Variants in ABHD16A observed in about 807,000 individuals in gnomAD.
The protein encoded by ABHD16A is phosphatidylserine lipase ABHD16A.
Under a neutral mutation model 89.8 loss-of-function variants are expected in ABHD16A, and 47 were observed. The observed-to-expected ratio is 0.52, with a 90% CI of 0.41 to 0.67. ABHD16A has a LOEUF of 0.67. ABHD16A is among the 30% of genes least tolerant of loss of function. The pLI is 0.00. For synonymous variants in ABHD16A, 251 were observed against 280.4 expected, an observed-to-expected ratio of 0.90 and a Z score of 1.05; for missense variants, 580 against 734.6, an observed-to-expected ratio of 0.79 and a Z score of 2.43.
At chr6:31,703,084 G>A in intron 1 of ABHD16A, 66 bp downstream of exon 1, 2 of 1,373,018 alleles carry the variant, frequency 1.5e-6, no homozygotes, top group African/African-American at 1.5e-5. Context: ...GGCACTTCTG[G>A]GGAGCAAAAG....
chr6:31,692,459 T>C (rs991843635), intron 7 of ABHD16A, among the ~76,000 whole-genome samples: 1 of 152,180 alleles, frequency 6.6e-6, no homozygotes, highest in African/African-American at 2.4e-5. Context: ...CACTATAAGA[T>C]ATAGGTGGTT....
At position 31,687,263 on chromosome 6, in the gene ABHD16A, A is replaced by G; in HGVS notation, c.1626T>C (p.Thr542=). ...TCTGGGCTGGGAGTGGGGTGCAGTG[A>G]GTGGCCTCAAAGTTGTGCAGATGCT... ...ARKHLHNFEA[T]HCTPLPAQNF... is the part of the protein sequence containing the mutation. Residue 542 remains threonine, a synonymous_variant, in exon 20 of 20, where the codon ACT becomes ACC. Coordinates refer to ENST00000395952, the MANE Select transcript of ABHD16A (RefSeq NM_021160.3). The surrounding 1 kb of genome is among the most constrained non-coding windows in gnomAD (Gnocchi z 6.3). The G allele has an allele frequency of 6.2e-7, 1 of 1,612,924 alleles. No individual in the cohort carries two copies.
Position 31,693,476 on chromosome 6 carries a change from G to A in ABHD16A, c.430-44C>T, listed in dbSNP as rs372793762. On this transcript the variant is annotated intron_variant, in intron 5 of 19. Transcript: ENST00000395952. The surrounding 1 kb of genome is among the most constrained non-coding windows in gnomAD (Gnocchi z 5.0). ...GCAAAGGGGTACTGAGAACTCAGGG[G>A]AGGCTCTCCTACCCACCCTCAACAA... The A allele has an allele frequency of 3.5e-5, 55 of 1,592,574 alleles. No individual in the cohort carries two copies. The highest frequency in any genetic ancestry group is 1.7e-4 in the Middle Eastern group (1 of 6,016).
rs1453211420 is a variant in ABHD16A, at chr6:31,688,653, C to G, written c.1250+70G>C. On this transcript the variant is annotated intron_variant, in intron 14 of 19. Transcript: ENST00000395952. This position sits in a 1 kb window ranked among gnomAD's most constrained non-coding sequence, Gnocchi z 4.9. ...CCAACTTGCACTTTAGTACTAGTTTCAGGGTTTGAGCGCCCAGCAGAGCTG... is the reference window on the plus strand; with the variant it reads ...CCAACTTGCACTTTAGTACTAGTTTGAGGGTTTGAGCGCCCAGCAGAGCTG... The G allele has an allele frequency of 7.0e-6, 11 of 1,562,924 alleles. No homozygotes were observed. The East Asian group carries it at 2.5e-4, about 35-fold the overall frequency.
chr6:31,688,257 G>A lies in ABHD16A; in HGVS notation c.1299C>T (p.Ile433=), dbSNP rs1374154497. Residue 433 remains isoleucine (I), a synonymous_variant, in exon 15 of 20, where the codon ATC becomes ATT. Transcript: ENST00000395952. The surrounding 1 kb of genome is among the most constrained non-coding windows in gnomAD (Gnocchi z 4.9). ...GATTCCCACGCACTCACGTGGTGGT[G>A]ATGATCTCATCCTTGGTTCTCCGGA... ...LLIRRTKDEI[I]TTTVPEDIMS... 2.5e-6 allele frequency: 4 copies of A among 1,614,100 alleles called. No homozygotes were observed. The highest frequency in any genetic ancestry group is 3.4e-6 in the Non-Finnish European group (4 of 1,179,942).
intron 8 of ABHD16A, 34 bp from the exon 9 acceptor site, chr6:31,691,714 G>A (rs1030617627): frequency 2.5e-6 from 4 of 1,594,578 alleles, no homozygotes; most frequent in Non-Finnish European, 3.4e-6. Flanking sequence ...CAAGATGCAA[G>A]GGTCAGGAGG....
At position 31,687,281 on chromosome 6, in the gene ABHD16A, C is replaced by T. The variant is rs1415849779; in HGVS notation, c.1608G>A (p.Leu536=). Residue 536 remains leucine (L), a synonymous_variant, in exon 20 of 20, where the codon CTG becomes CTA. Transcript: ENST00000395952. The surrounding 1 kb of genome is among the most constrained non-coding windows in gnomAD (Gnocchi z 6.3). ...TGCAGTGAGTGGCCTCAAAGTTGTGCAGATGCTTCCGAGCCTGAGGAAAGG... is the reference window on the plus strand; with the variant it reads ...TGCAGTGAGTGGCCTCAAAGTTGTGTAGATGCTTCCGAGCCTGAGGAAAGG... ...QLALFLARKH[L]HNFEATHCTP... The T allele has an allele frequency of 6.2e-7, 1 of 1,612,782 alleles. No individual in the cohort carries two copies. Among genetic ancestry groups the T allele is most frequent in the Admixed American group, 1.7e-5 (1 of 59,966 alleles).
At chr6:31,695,089 T>G (rs1172426160) in intron 5 of ABHD16A, among the ~76,000 whole-genome samples, 5 of 152,162 alleles carry the variant, frequency 3.3e-5, no homozygotes, top group African/African-American at 4.8e-5. Flanking sequence ...AGGGCATCAT[T>G]ACGCAGCTCC....
chr6:31,688,860 G>A lies in ABHD16A; in HGVS notation c.1187-74C>T. The A allele has an allele frequency of 6.6e-7, 1 of 1,526,534 alleles. No individual in the cohort carries two copies. Among genetic ancestry groups the A allele is most frequent in the Non-Finnish European group, 9.0e-7 (1 of 1,115,510 alleles). The allele number at this position is 1,526,534 out of a possible 1,614,324, so 94.6% of individuals were successfully genotyped here. On this transcript the variant is annotated intron_variant, in intron 13 of 19. Coordinates refer to ENST00000395952, the MANE Select transcript of ABHD16A (RefSeq NM_021160.3). This position sits in a 1 kb window ranked among gnomAD's most constrained non-coding sequence, Gnocchi z 4.9. Reference sequence around the variant, plus strand: ...AACATAAAGGTCCTCACTATTCACGGAGAAAGAAAACTGAGGCCCCCAGAC... The same window carrying A: ...AACATAAAGGTCCTCACTATTCACGAAGAAAGAAAACTGAGGCCCCCAGAC...
intron 5 of ABHD16A, among the ~76,000 whole-genome samples, chr6:31,694,472 G>A (rs1419796968): frequency 1.4e-5 from 2 of 138,658 alleles, no homozygotes; most frequent in African/African-American, 5.5e-5. Context: ...ATCACTGCAA[G>A]CTCTGCCTCC....
intron 2 of ABHD16A, among the ~76,000 whole-genome samples, chr6:31,701,651 C>G (rs1805016583): frequency 6.6e-6 from 1 of 152,142 alleles, no homozygotes; most frequent in African/African-American, 2.4e-5. Flanking sequence ...TCAAGTTAAT[C>G]AAGCCTTTTC....
At position 31,687,535 on chromosome 6, in the gene ABHD16A, A is replaced by G. The variant is rs771400526; in HGVS notation, c.1556T>C (p.Met519Thr). 1.9e-5 allele frequency: 30 copies of G among 1,612,910 alleles called. No homozygotes were observed. The highest frequency in any genetic ancestry group is 2.5e-5 in the Non-Finnish European group (30 of 1,179,948). The change falls in exon 19 of 20, where the codon ATG (methionine) becomes ACG (threonine). Residue 519 changes from methionine to threonine, a missense_variant. Physicochemically the swap from Met to Thr is moderately conservative, Grantham distance 81. Transcript: ENST00000395952. This position sits in a 1 kb window ranked among gnomAD's most constrained non-coding sequence, Gnocchi z 6.3. ...CAGCTGCCGCCGTCCATCTGCACTC[A>G]TGTCCTCCCCTGCAGAGAGGAGGCG... ...PDFPWSVGED[M>T]SADGRRQLAL...
intron 3 of ABHD16A, 87 bp from the exon 4 acceptor site, chr6:31,701,115 C>A: frequency 7.3e-7 from 1 of 1,376,046 alleles, no homozygotes; most frequent in Non-Finnish European, 1.0e-6. Context: ...CCACCCCACA[C>A]TCCCTGTTTG....
At position 31,688,444 on chromosome 6, in the gene ABHD16A, G is replaced by T; in HGVS notation, c.1251-139C>A. On this transcript the variant is annotated intron_variant, in intron 14 of 19. Coordinates refer to ENST00000395952, the MANE Select transcript of ABHD16A (RefSeq NM_021160.3). The surrounding 1 kb of genome is among the most constrained non-coding windows in gnomAD (Gnocchi z 4.9). ...CCTTGACCTAGCCCTTCACTCAGGG[G>T]TGAGAGGGGATTATTTAAGGGGCAT... The T allele has an allele frequency of 1.1e-6, 1 of 922,030 alleles. No individual in the cohort carries two copies. Among genetic ancestry groups the T allele is most frequent in the Non-Finnish European group, 1.7e-6 (1 of 590,432 alleles). 57.1% of individuals were successfully genotyped at this position (922,030 alleles called of 1,614,324 possible).
rs780888185 is a variant in ABHD16A at position 31,687,824 on chromosome 6, C to T, written c.1447G>A (p.Ala483Thr). 1.9e-6 allele frequency: 3 copies of T among 1,613,020 alleles called. No homozygotes were observed. Among genetic ancestry groups the T allele is most frequent in the Non-Finnish European group, 2.5e-6 (3 of 1,180,014 alleles). The change falls in exon 17 of 20, where the codon GCC (alanine) becomes ACC (threonine). Residue 483 changes from alanine (A) to threonine (T), a missense_variant and splice_region_variant. This residue lies in a region of ABHD16A where 415 missense variants were observed against 568.8 expected (regional missense o/e 0.73). Coordinates refer to ENST00000395952, the MANE Select transcript of ABHD16A (RefSeq NM_021160.3). The surrounding 1 kb of genome is among the most constrained non-coding windows in gnomAD (Gnocchi z 6.3). The part of the protein sequence containing the change: ...WLEASSQLEE[A>T]SIYSRWEVEE... ...CAAGCCTCACTGGATCCCTTCTCAC[C>T]TTCCTCCAGCTGTGAGGAGGCCTCC... is the stretch of plus-strand genomic sequence containing the variant.
rs1465789115 is a variant in ABHD16A, at chr6:31,693,032, G to C, written c.621C>G (p.Ile207Met). ...LNRVKKLPCQITSYLVAHTLG... is the reference protein window; with the variant it reads ...LNRVKKLPCQMTSYLVAHTLG... Reference sequence around the variant, plus strand: ...TCCTCGCTGCTGTTTCCCACCTGGTGATCTGACAAGGCAGCTTCTTAACCC... The same window carrying C: ...TCCTCGCTGCTGTTTCCCACCTGGTCATCTGACAAGGCAGCTTCTTAACCC... Residue 207 changes from isoleucine to methionine, a missense_variant, in exon 7 of 20, where the codon ATC becomes ATG. Transcript: ENST00000395952. This position sits in a 1 kb window ranked among gnomAD's most constrained non-coding sequence, Gnocchi z 5.0. 3 of 1,614,076 alleles carry C rather than the reference G, an allele frequency of 1.9e-6. No individual in the cohort carries two copies. The highest frequency in any genetic ancestry group is 2.5e-6 in the Non-Finnish European group (3 of 1,180,046).
chr6:31,691,537 C>T, intron 9 of ABHD16A, 42 bp downstream of exon 9: 1 of 1,597,174 alleles, frequency 6.3e-7, no homozygotes, highest in Non-Finnish European at 8.6e-7. Flanking sequence ...CTACTGCCTT[C>T]CTCACACTCA....
chr6:31,688,187 A>G lies in ABHD16A; in HGVS notation c.1307+62T>C. The G allele has an allele frequency of 1.2e-6, 2 of 1,606,750 alleles. No individual in the cohort carries two copies. Reference sequence around the variant, plus strand: ...ACCCAGGTTTCTGGTGGGCAGAGGTAGAAGGGACAAGTTCCTGGCCATCTC... The same window carrying G: ...ACCCAGGTTTCTGGTGGGCAGAGGTGGAAGGGACAAGTTCCTGGCCATCTC... On this transcript the variant is annotated intron_variant, in intron 15 of 19. Coordinates refer to ENST00000395952, the MANE Select transcript of ABHD16A (RefSeq NM_021160.3). This position sits in a 1 kb window ranked among gnomAD's most constrained non-coding sequence, Gnocchi z 4.9.
At position 31,688,920 on chromosome 6, in the gene ABHD16A, T is replaced by C. The variant is rs929763896; in HGVS notation, c.1186+95A>G. ...CTCCTGCTTCCAACAATGGGGCGAC[T>C]TACTCCCCACCCAAGAAAAGGGAGC... is the stretch of plus-strand genomic sequence containing the variant. On this transcript the variant is annotated intron_variant, in intron 13 of 19. Coordinates refer to ENST00000395952, the MANE Select transcript of ABHD16A (RefSeq NM_021160.3). This position sits in a 1 kb window ranked among gnomAD's most constrained non-coding sequence, Gnocchi z 4.9. 7.1e-6 allele frequency: 10 copies of C among 1,412,478 alleles called. No individual in the cohort carries two copies. Among genetic ancestry groups the C allele is most frequent in the Non-Finnish European group, 8.8e-6 (9 of 1,025,478 alleles). 87.5% of individuals were successfully genotyped at this position (1,412,478 alleles called of 1,614,324 possible). A position where few individuals can be genotyped will look rare whatever the true frequency, so the allele number is the denominator to read the frequency against.
Sources: allele counts gnomAD v4.1 joint callset (sites outside exome capture counted in the v4.1 genomes callset), GRCh38; gene constraint gnomAD v4.1.1; regional missense constraint gnomAD v4.1.1; non-coding constraint Gnocchi (gnomAD v3.1); transcripts MANE v1.5; gene names NCBI Gene and HGNC (gene_info 2026-07-23, HGNC 2026-07-21).